Variants in TMEM132D observed in about 807,000 individuals in gnomAD.
The protein encoded by TMEM132D is mature OL transmembrane protein.
A neutral mutation model predicts 62.3 loss-of-function variants in TMEM132D; 21 were observed. The observed-to-expected ratio is 0.34, with a 90% CI of 0.24 to 0.49. The LOEUF is 0.49. Ranked by LOEUF, TMEM132D falls within the 20% of genes least tolerant of loss-of-function variation. The pLI, the probability that TMEM132D is intolerant of heterozygous loss-of-function variation, is 0.99. For missense variants in TMEM132D, 1,346 were observed against 1,402.8 expected (o/e 0.96, Z 0.65); for synonymous variants, 621 against 575.6 (o/e 1.08, Z -1.13).
intron 3 of TMEM132D, among the ~76,000 whole-genome samples, chr12:129,357,924 A>T (rs1376230485): frequency 6.6e-6 from 1 of 152,258 alleles, no homozygotes; most frequent in Non-Finnish European, 1.5e-5. Flanking sequence ...GATATTACTC[A>T]AACAAATTGT....
chr12:129,500,744 G>A (rs1047865299), intron 3 of TMEM132D, among the ~76,000 whole-genome samples: 2 of 152,160 alleles, frequency 1.3e-5, no homozygotes, highest in African/African-American at 2.4e-5. Context: ...ATTCCTCTGC[G>A]ATAAAAGAAA....
chr12:129,691,105 CA>C (rs969494623), intron 2 of TMEM132D, among the ~76,000 whole-genome samples: 16 of 151,296 alleles, frequency 1.1e-4, no homozygotes, highest in African/African-American at 3.1e-4. Flanking sequence ...AAAGAAGTCT[CA>C]AAAAAAATTT....
At chr12:129,578,532 C>A (rs1218905080) in intron 2 of TMEM132D, among the ~76,000 whole-genome samples, 1 of 151,554 alleles carries the variant, frequency 6.6e-6, no homozygotes, top group African/African-American at 2.4e-5. Context: ...CACACATACA[C>A]ATATATGTGT....
At chr12:129,590,157 T>A (rs1878149027) in intron 2 of TMEM132D, among the ~76,000 whole-genome samples, 1 of 152,192 alleles carries the variant, frequency 6.6e-6, no homozygotes, top group Non-Finnish European at 1.5e-5. Context: ...CTGTCCAATT[T>A]ATCTGTGTCT....
intron 3 of TMEM132D, among the ~76,000 whole-genome samples, chr12:129,398,904 G>T (rs983517405): frequency 6.6e-6 from 1 of 152,038 alleles, no homozygotes; most frequent in African/African-American, 2.4e-5. Context: ...TCTGTTTTGT[G>T]CTGCTATAAG....
chr12:129,615,420 T>G (rs1366717420), intron 2 of TMEM132D, among the ~76,000 whole-genome samples: 1 of 151,720 alleles, frequency 6.6e-6, no homozygotes, highest in African/African-American at 2.4e-5. Flanking sequence ...AGAAATAGCT[T>G]AATTTATAAT....
chr12:129,810,566 ACACACACC>A (rs938094122), intron 1 of TMEM132D, among the ~76,000 whole-genome samples: 7 of 17,018 alleles, frequency 4.1e-4, no homozygotes, highest in African/African-American at 1.0e-3. Flanking sequence ...ACACACACAC[ACACACACC>A]CCCCCACACT....
chr12:129,144,710 G>T (rs199804292), intron 5 of TMEM132D, among the ~76,000 whole-genome samples: 1 of 113,964 alleles, frequency 8.8e-6, no homozygotes, highest in African/African-American at 3.3e-5. Context: ...TCTATCTAGC[G>T]ACCTACCTAC....
intron 4 of TMEM132D, among the ~76,000 whole-genome samples, chr12:129,272,569 T>C (rs1880881780): frequency 6.6e-6 from 1 of 151,896 alleles, no homozygotes; most frequent in Non-Finnish European, 1.5e-5. Flanking sequence ...ATTTTTTATA[T>C]GTGTTGGCTG....
chr12:129,755,535 T>C (rs1379246998), intron 1 of TMEM132D, among the ~76,000 whole-genome samples: 2 of 152,032 alleles, frequency 1.3e-5, no homozygotes, highest in Non-Finnish European at 2.9e-5. Flanking sequence ...CAGGGTCTGG[T>C]GGTTTCAGAG....
At chr12:129,764,032 C>T (rs1870470134) in intron 1 of TMEM132D, among the ~76,000 whole-genome samples, 1 of 152,138 alleles carries the variant, frequency 6.6e-6, no homozygotes, top group East Asian at 1.9e-4. Context: ...GAGAACCTGC[C>T]CCCATGCCCC....
chr12:129,174,636 T>A (rs995315000), intron 5 of TMEM132D, among the ~76,000 whole-genome samples: 1 of 152,190 alleles, frequency 6.6e-6, no homozygotes, highest in Admixed American at 6.5e-5. Context: ...TGCTTCTAGA[T>A]CCTTGAGGAA....
In TMEM132D at chr12:129,433,204, T is replaced by C. The variant is rs533370988; in HGVS notation, c.1116-95387A>G. On this transcript the variant is annotated intron_variant, in intron 3 of 8. Coordinates refer to ENST00000422113, the MANE Select transcript of TMEM132D (RefSeq NM_133448.3). ...TCCAGGTTTTAGCTATTACAAATAG[T>C]GATACCAGGGACATTCTTGCCCATG... Among the ~76,000 whole-genome samples, 3 of 152,308 alleles carry C rather than the reference T, an allele frequency of 2.0e-5. No individual in the cohort carries two copies. In the East Asian group the frequency reaches 5.8e-4, roughly 29 times the overall value.
At chr12:129,539,413 T>TC (rs1876522045) in intron 2 of TMEM132D, among the ~76,000 whole-genome samples, 1 of 147,768 alleles carries the variant, frequency 6.8e-6, no homozygotes, top group African/African-American at 2.5e-5. Context: ...TTCTTTTTTT[T>TC]TTTTTTTTTG....
chr12:129,734,957 A>G (rs1462306557), intron 1 of TMEM132D, among the ~76,000 whole-genome samples: 2 of 152,236 alleles, frequency 1.3e-5, no homozygotes, highest in African/African-American at 4.8e-5. Flanking sequence ...AACAAAAAGG[A>G]TCAAGATTCA....
chr12:129,235,601 C>A (rs1377063077), intron 4 of TMEM132D, among the ~76,000 whole-genome samples: 1 of 152,112 alleles, frequency 6.6e-6, no homozygotes, highest in African/African-American at 2.4e-5. Context: ...CCATATTCAT[C>A]AGTTGATGGA....
At chr12:129,444,425 C>A (rs1202956725) in intron 3 of TMEM132D, among the ~76,000 whole-genome samples, 1 of 152,070 alleles carries the variant, frequency 6.6e-6, no homozygotes, top group Non-Finnish European at 1.5e-5. Flanking sequence ...AAACAACAAG[C>A]AACCCCATTA....
chr12:129,151,532 C>G (rs1252250339), intron 5 of TMEM132D, among the ~76,000 whole-genome samples: 4 of 152,204 alleles, frequency 2.6e-5, no homozygotes, highest in African/African-American at 9.6e-5. Flanking sequence ...GCTCACCACA[C>G]CCAGGGGTGA....
intron 1 of TMEM132D, among the ~76,000 whole-genome samples, chr12:129,894,508 C>T (rs1301018022): frequency 6.6e-6 from 1 of 152,182 alleles, no homozygotes; most frequent in Non-Finnish European, 1.5e-5. Flanking sequence ...GGGTCAGCCT[C>T]ATCTAAAATC....
Sources: allele counts gnomAD v4.1 joint callset (sites outside exome capture counted in the v4.1 genomes callset), GRCh38; gene constraint gnomAD v4.1.1; transcripts MANE v1.5; gene names NCBI Gene and HGNC (gene_info 2026-07-23, HGNC 2026-07-21).